Variants in KDM5B observed in about 807,000 individuals in gnomAD.
The protein encoded by KDM5B is lysine-specific demethylase 5B.
A neutral mutation model predicts 193.4 loss-of-function variants in KDM5B; 144 were observed. The ratio of observed to expected loss-of-function variants is 0.74; its 90% CI spans 0.65 to 0.86. The LOEUF (loss-of-function observed/expected upper bound fraction) is 0.86. Ranked by LOEUF, KDM5B falls within the 40% of genes least tolerant of loss-of-function variation. The probability of loss-of-function intolerance (pLI) is 0.00; values close to 1 mark genes in which losing one functional copy is unlikely to be tolerated. For missense variants in KDM5B, 1,833 were observed against 1,886.9 expected (o/e 0.97, Z 0.53); for synonymous variants, 668 against 682.6 (o/e 0.98, Z 0.33).
chr1:202,752,875 G>C, intron 12 of KDM5B, 30 bp downstream of exon 12: 1 of 1,583,510 alleles, frequency 6.3e-7, no homozygotes, highest in East Asian at 2.2e-5. Flanking sequence ...AATTAAGCTT[G>C]AGTGGCAGGA....
At position 202,742,653 on chromosome 1, in the gene KDM5B, A is replaced by G. The variant is rs768318871; in HGVS notation, c.2474+2T>C. On this transcript the variant is annotated splice_donor_variant, in intron 17 of 26. Coordinates refer to ENST00000367265, the MANE Select transcript of KDM5B (RefSeq NM_006618.5). LOFTEE classifies it high-confidence loss of function. ...CAAACTCACGCAGTCAGAAGCGCATACCTAGTTTGCCTTTTGCCATTAAGC... is the reference window on the plus strand; with the variant it reads ...CAAACTCACGCAGTCAGAAGCGCATGCCTAGTTTGCCTTTTGCCATTAAGC... 1 of 1,613,930 alleles carries G rather than the reference A, an allele frequency of 6.2e-7. No homozygotes were observed. The highest frequency in any genetic ancestry group is 2.2e-5 in the East Asian group (1 of 44,880).
chr1:202,797,655 T>G (rs539454693), intron 1 of KDM5B, among the ~76,000 whole-genome samples: 49 of 152,314 alleles, frequency 3.2e-4, no homozygotes, highest in Non-Finnish European at 6.3e-4. Flanking sequence ...AGACATGAAT[T>G]GAGATTATTT....
Position 202,808,421 on chromosome 1 carries a change from C to T in KDM5B, c.-116G>A, listed in dbSNP as rs1362941655. 6 of 925,924 alleles carry T rather than the reference C, an allele frequency of 6.5e-6. No individual in the cohort carries two copies. In the East Asian group the frequency reaches 7.9e-5, roughly 12 times the overall value. 57.4% of individuals were successfully genotyped at this position (925,924 alleles called of 1,614,324 possible). On this transcript the variant is annotated 5_prime_UTR_variant, in exon 1 of 27. Transcript: ENST00000367265. ...CGAGCAACAGCAAGTCCGAGTTGTA[C>T]GGGCAACGGCAGCACCTTGGGCTTT...
intron 1 of KDM5B, among the ~76,000 whole-genome samples, chr1:202,795,789 CTTT>C (rs529673570): frequency 6.8e-6 from 1 of 146,200 alleles, no homozygotes. Flanking sequence ...TCCTAATTAA[CTTT>C]TTTTTTTTAA....
At chr1:202,729,677 C>G (rs1302186903) in intron 26 of KDM5B, 30 bp downstream of exon 26, 2 of 1,586,124 alleles carry the variant, frequency 1.3e-6, no homozygotes, top group Non-Finnish European at 1.7e-6. Context: ...TAAGGGAAAG[C>G]ACGTCCTCTA....
chr1:202,745,685 C>CAA (rs1655523464), intron 16 of KDM5B, among the ~76,000 whole-genome samples, 173 bp downstream of exon 16: 1 of 152,176 alleles, frequency 6.6e-6, no homozygotes, highest in African/African-American at 2.4e-5. Flanking sequence ...ACTGCCTTAT[C>CAA]CACTCTTGGT....
rs761059206 is a variant in KDM5B, at chr1:202,729,909, G to T, written c.4295C>A (p.Thr1432Asn). Residue 1432 changes from threonine (T) to asparagine (N), a missense_variant, in exon 26 of 27, where the codon ACC becomes AAC. Around this residue, in one of 3 missense-constraint regions of KDM5B, gnomAD observed 1,379 missense variants for 1,349.6 expected, o/e 1.02. Transcript: ENST00000367265. ...ERWERVKKMR[T>N]PKKKKIKLSH... ...CAGTTTGATTTTCTTCTTTTTGGGG[G>T]TCCGCATTTTCTTAACTCGTTCCCA... is the stretch of plus-strand genomic sequence containing the variant. The T allele has an allele frequency of 6.2e-7, 1 of 1,614,040 alleles. No homozygotes were observed. The highest frequency in any genetic ancestry group is 8.5e-7 in the Non-Finnish European group (1 of 1,179,976).
intron 13 of KDM5B, 66 bp downstream of exon 13, chr1:202,750,593 A>C: frequency 6.4e-7 from 1 of 1,565,882 alleles, no homozygotes; most frequent in Non-Finnish European, 8.8e-7. Flanking sequence ...ACTTTAAAAC[A>C]TTATATTCCA....
chr1:202,746,730 A>G (rs1038474441), intron 14 of KDM5B: 1 of 155,300 alleles, frequency 6.4e-6, no homozygotes, highest in African/African-American at 2.4e-5. Flanking sequence ...TATTAAAAGG[A>G]CAAAAATAAA....
In KDM5B at chr1:202,727,094, A is replaced by C. The variant is rs924469264; in HGVS notation, c.*1942T>G. On this transcript the variant is annotated 3_prime_UTR_variant, in exon 27 of 27. Coordinates refer to ENST00000367265, the MANE Select transcript of KDM5B (RefSeq NM_006618.5). Reference sequence around the variant, plus strand: ...CACCCACAGGTGAAGAAGAAAAACTAGTGGGGATGGGGGTAGGGGTTGTGC... The same window carrying C: ...CACCCACAGGTGAAGAAGAAAAACTCGTGGGGATGGGGGTAGGGGTTGTGC... The C allele has an allele frequency of 8.5e-5, 13 of 152,356 alleles. No individual in the cohort carries two copies. Among genetic ancestry groups the C allele is most frequent in the African/African-American group, 2.6e-4 (11 of 41,558 alleles). 9.4% of individuals were successfully genotyped at this position (152,356 alleles called of 1,614,324 possible).
intron 8 of KDM5B, 90 bp downstream of exon 8, chr1:202,760,325 A>C (rs937781753): frequency 1.1e-6 from 1 of 913,498 alleles, no homozygotes; most frequent in African/African-American, 1.8e-5. Flanking sequence ...AAAAAAAATA[A>C]AATAAAATAA....
Position 202,756,486 on chromosome 1 carries a change from A to AT in KDM5B, c.1227dup (p.Phe410IlefsTer9). 6.2e-7 allele frequency: 1 copy of AT among 1,608,242 alleles called. No homozygotes were observed. The highest frequency in any genetic ancestry group is 8.5e-7 in the Non-Finnish European group (1 of 1,177,654). On this transcript the variant is annotated frameshift_variant, in exon 10 of 27. Transcript: ENST00000367265. LOFTEE classifies it high-confidence loss of function. ...TCAATAGTGCTTACTAGTCTCCAAA[A>AT]TTCTTTCTCAACAAGCTCTGTGGGG...
chr1:202,734,628 T>TA (rs1336098613), intron 22 of KDM5B, among the ~76,000 whole-genome samples: 1 of 152,240 alleles, frequency 6.6e-6, no homozygotes, highest in African/African-American at 2.4e-5. Context: ...AACTTTCAGT[T>TA]AGTCTTTATA....
At chr1:202,803,802 A>C (rs544003116) in intron 1 of KDM5B, among the ~76,000 whole-genome samples, 1 of 152,066 alleles carries the variant, frequency 6.6e-6, no homozygotes, top group South Asian at 2.1e-4. Context: ...CAGCCTGGGC[A>C]ACAACAGCAA....
At chr1:202,737,464 G>A (rs1655137662) in intron 20 of KDM5B, among the ~76,000 whole-genome samples, 1 of 152,296 alleles carries the variant, frequency 6.6e-6, no homozygotes, top group South Asian at 2.1e-4. Context: ...AAGCATTAAG[G>A]TTATGGAGGA....
chr1:202,733,757 G>C lies in KDM5B; in HGVS notation c.3553C>G (p.Pro1185Ala). Residue 1185 changes from proline to alanine, a missense_variant, in exon 23 of 27, where the codon CCA becomes GCA. By Grantham distance (27) the Pro-to-Ala change is conservative. Coordinates refer to ENST00000367265, the MANE Select transcript of KDM5B (RefSeq NM_006618.5). ...DIKICLCQKA[P>A]AAPMIQCELC... ...TCACATTGAATCATAGGGGCAGCTGGGGCCTTCTGACATAGGCAGATTTTT... is the reference window on the plus strand; with the variant it reads ...TCACATTGAATCATAGGGGCAGCTGCGGCCTTCTGACATAGGCAGATTTTT... 6.2e-7 allele frequency: 1 copy of C among 1,614,138 alleles called. No individual in the cohort carries two copies.
chr1:202,804,919 C>T (rs542182462), intron 1 of KDM5B, among the ~76,000 whole-genome samples: 15 of 149,416 alleles, frequency 1.0e-4, no homozygotes, highest in African/African-American at 3.7e-4. Context: ...AAATGTGAGA[C>T]ATTTGAAAGC....
chr1:202,728,979 T>A lies in KDM5B; in HGVS notation c.*57A>T. ...GTAGCTTTGCTGAGATTTGAAGAAA[T>A]CCTCTTGGTTGGAGTCCTGAATTAC... On this transcript the variant is annotated 3_prime_UTR_variant, in exon 27 of 27. Coordinates refer to ENST00000367265, the MANE Select transcript of KDM5B (RefSeq NM_006618.5). The A allele has an allele frequency of 3.1e-6, 5 of 1,608,194 alleles. No homozygotes were observed. Among genetic ancestry groups the A allele is most frequent in the Non-Finnish European group, 4.3e-6 (5 of 1,175,320 alleles).
In KDM5B at chr1:202,764,043, T is replaced by C; in HGVS notation, c.808+6A>G. ...TTCTTTCCTATTCATTGACAAATTT[T>C]CTTACCATTTTCACATTTTGGAGTT... On this transcript the variant is annotated splice_donor_region_variant and intron_variant, in intron 6 of 26. Coordinates refer to ENST00000367265, the MANE Select transcript of KDM5B (RefSeq NM_006618.5). 6.7e-7 allele frequency: 1 copy of C among 1,489,642 alleles called. No individual in the cohort carries two copies. The highest frequency in any genetic ancestry group is 9.2e-7 in the Non-Finnish European group (1 of 1,082,612). The allele number at this position is 1,489,642 out of a possible 1,614,324, so 92.3% of individuals were successfully genotyped here.
Sources: gnomAD v4.1 joint callset for allele counts (sites outside exome capture counted in the v4.1 genomes callset) on GRCh38, gnomAD v4.1.1 for gene constraint, gnomAD v4.1.1 regional missense constraint, MANE v1.5 for transcripts, NCBI Gene and HGNC (gene_info 2026-07-23, HGNC 2026-07-21) for gene names.